The following PTPRD variants were observed in gnomAD, a reference collection of about 807,000 sequenced individuals.
PTPRD encodes the protein protein tyrosine phosphatase receptor type D.
PTPRD carries 34 observed loss-of-function variants against 214.5 expected under a neutral mutation model. The ratio of observed to expected loss-of-function variants is 0.16; its 90% CI spans 0.12 to 0.21. The LOEUF is 0.21. Among genes scored for constraint, PTPRD ranks in the 10% least tolerant of loss-of-function variants. PTPRD has a pLI of 1.00. For synonymous variants in PTPRD, 1,128 were observed against 845.7 expected, an observed-to-expected ratio of 1.33 and a Z score of -5.79; for missense variants, 2,545 against 2,398.7, an observed-to-expected ratio of 1.06 and a Z score of -1.27.
At chr9:9,737,804 G>C (rs994499169) in intron 6 of PTPRD, among the ~76,000 whole-genome samples, 1 of 151,976 alleles carries the variant, frequency 6.6e-6, no homozygotes, top group Admixed American at 6.6e-5. Context: ...ATTCCTATAT[G>C]TGTTTTCTTG....
At chr9:10,387,948 AC>A (rs1029766503) in intron 2 of PTPRD, among the ~76,000 whole-genome samples, 2 of 145,736 alleles carry the variant, frequency 1.4e-5, no homozygotes, top group Non-Finnish European at 3.0e-5. Context: ...GGAGTGAGCC[AC>A]TGTGCCCAGC....
At chr9:9,419,793 AAAAT>A (rs2078123012) in intron 8 of PTPRD, among the ~76,000 whole-genome samples, 1 of 151,824 alleles carries the variant, frequency 6.6e-6, no homozygotes. Flanking sequence ...CAAGGAAAAC[AAAAT>A]GTAATTATTA....
rs994357951 is a variant in PTPRD at position 8,576,144 on chromosome 9, CT to C, written c.353-47366del. ...TGAAGTGTTGGAAGATTATTGAAGG[CT>C]TTTTTTTCCTTTTAAATATTAATGT... On this transcript the variant is annotated intron_variant, in intron 14 of 45. Coordinates refer to ENST00000381196, the MANE Select transcript of PTPRD (RefSeq NM_002839.4). 6.6e-5 allele frequency among the ~76,000 whole-genome samples: 10 copies of C among 151,986 alleles called. No homozygotes were observed. The South Asian group carries it at 8.3e-4, about 13-fold the overall frequency.
At chr9:10,317,978 C>T (rs1212520705) in intron 3 of PTPRD, among the ~76,000 whole-genome samples, 1 of 151,930 alleles carries the variant, frequency 6.6e-6, no homozygotes, top group Admixed American at 6.6e-5. Context: ...TTTGCATGTC[C>T]TGTTTTTTTA....
intron 14 of PTPRD, among the ~76,000 whole-genome samples, chr9:8,612,661 T>C (rs960599599): frequency 2.6e-5 from 4 of 152,168 alleles, no homozygotes; most frequent in African/African-American, 9.7e-5. Context: ...TACTATTGAC[T>C]GAAATAAGAA....
intron 2 of PTPRD, among the ~76,000 whole-genome samples, chr9:10,542,558 ATTG>A (rs3076463): frequency 0.13 from 20,467 of 151,950 alleles, 2,002 homozygotes; most frequent in East Asian, 0.48. Context: ...GAATTAATTA[ATTG>A]TTATTATTTC....
chr9:9,869,117 T>C (rs952990973), intron 5 of PTPRD, among the ~76,000 whole-genome samples: 1 of 152,080 alleles, frequency 6.6e-6, no homozygotes, highest in Non-Finnish European at 1.5e-5. Flanking sequence ...AAATTCACCA[T>C]TGGAGGTAAA....
At chr9:10,102,407 T>C (rs1031002183) in intron 3 of PTPRD, among the ~76,000 whole-genome samples, 9 of 151,006 alleles carry the variant, frequency 6.0e-5, no homozygotes, top group African/African-American at 1.7e-4. Flanking sequence ...GATGTCAATA[T>C]AAAAAAACCC....
intron 5 of PTPRD, among the ~76,000 whole-genome samples, chr9:9,930,418 A>G (rs1203890379): frequency 1.3e-5 from 2 of 152,230 alleles, no homozygotes; most frequent in African/African-American, 2.4e-5. Flanking sequence ...CAATATTTCT[A>G]CAGAGTTTAT....
intron 11 of PTPRD, among the ~76,000 whole-genome samples, chr9:8,997,397 CTT>C (rs1319546160): frequency 6.6e-6 from 1 of 152,022 alleles, no homozygotes; most frequent in African/African-American, 2.4e-5. Context: ...ATTTCAAACT[CTT>C]TCATTATTAG....
intron 8 of PTPRD, among the ~76,000 whole-genome samples, chr9:9,557,306 T>G (rs2081780883): frequency 6.6e-6 from 1 of 152,096 alleles, no homozygotes; most frequent in Non-Finnish European, 1.5e-5. Context: ...GCATTAACAT[T>G]AAAACAGAGA....
chr9:9,114,208 G>C (rs931426671), intron 10 of PTPRD, among the ~76,000 whole-genome samples: 1 of 152,148 alleles, frequency 6.6e-6, no homozygotes, highest in Non-Finnish European at 1.5e-5. Flanking sequence ...AATTACTCAG[G>C]TTTCTACAGG....
intron 8 of PTPRD, among the ~76,000 whole-genome samples, chr9:9,454,611 A>G (rs1265267997): frequency 6.6e-6 from 1 of 151,754 alleles, no homozygotes; most frequent in African/African-American, 2.4e-5. Context: ...TAGCCAAAAG[A>G]AATTTCTCAC....
In PTPRD at chr9:9,250,443, G is replaced by T. The variant is rs34745769; in HGVS notation, c.-202-67080C>A. Among the ~76,000 whole-genome samples, 9 of 152,040 alleles carry T rather than the reference G, an allele frequency of 5.9e-5. 1 individual carries two copies. In the South Asian group the frequency reaches 1.7e-3, roughly 28 times the overall value. On this transcript the variant is annotated intron_variant, in intron 9 of 45. Coordinates refer to ENST00000381196, the MANE Select transcript of PTPRD (RefSeq NM_002839.4). Reference sequence around the variant, plus strand: ...AGCTTGACACAAGCTGTTATAGTTAGGTGAGACAAGGAATGCAAACCCTCT... The same window carrying T: ...AGCTTGACACAAGCTGTTATAGTTATGTGAGACAAGGAATGCAAACCCTCT...
intron 12 of PTPRD, among the ~76,000 whole-genome samples, chr9:8,670,019 C>CTT (rs200868702): frequency 1.3e-4 from 18 of 142,386 alleles, no homozygotes; most frequent in East Asian, 4.2e-4. Context: ...TTTTCTGCCT[C>CTT]TTTTTTTTTT....
intron 11 of PTPRD, among the ~76,000 whole-genome samples, chr9:8,882,884 C>CAAAAAAA (rs759863465): frequency 9.9e-6 from 1 of 101,038 alleles, no homozygotes; most frequent in Admixed American, 1.1e-4. Flanking sequence ...GGCTCTGTCT[C>CAAAAAAA]AAAAAAAAAA....
intron 3 of PTPRD, among the ~76,000 whole-genome samples, chr9:10,047,312 C>CGTGTGTGTGTGTGTGTGTGTGTGTG (rs1316571345): frequency 2.2e-5 from 3 of 138,718 alleles, no homozygotes; most frequent in Admixed American, 1.5e-4. Flanking sequence ...AATCAACTAA[C>CGTGTGTGTGTGTGTGTGTGTGTGTG]TGTGTGTGTG....
chr9:10,466,943 T>C (rs2098998665), intron 2 of PTPRD, among the ~76,000 whole-genome samples: 1 of 152,174 alleles, frequency 6.6e-6, no homozygotes, highest in South Asian at 2.1e-4. Flanking sequence ...ATGCTGAATG[T>C]CCAGAGGATG....
chr9:8,385,560 C>T (rs548883943), intron 37 of PTPRD, among the ~76,000 whole-genome samples: 3 of 152,114 alleles, frequency 2.0e-5, no homozygotes, highest in South Asian at 4.1e-4. Flanking sequence ...CAAAACAGAA[C>T]GCTTGAAAAG....
Sources: allele counts gnomAD v4.1 joint callset (sites outside exome capture counted in the v4.1 genomes callset), GRCh38; gene constraint gnomAD v4.1.1; transcripts MANE v1.5; gene names NCBI Gene and HGNC (gene_info 2026-07-23, HGNC 2026-07-21).